Variants in DRC1 observed in about 807,000 individuals in gnomAD.
The protein encoded by DRC1 is dynein regulatory complex protein 1.
A neutral mutation model predicts 98.7 loss-of-function variants in DRC1; 74 were observed. The observed-to-expected ratio is 0.75, with a 90% CI of 0.62 to 0.91. DRC1 has a LOEUF of 0.91. Among genes scored for constraint, DRC1 ranks in the 40% least tolerant of loss-of-function variants. The pLI is 0.00. For missense variants in DRC1, 875 were observed against 886.0 expected (o/e 0.99, Z 0.16); for synonymous variants, 336 against 334.1 (o/e 1.01, Z -0.06).
At chr2:26,456,421 C>T (rs1664175754) in intron 16 of DRC1, 40 bp from the exon 17 acceptor site, 1 of 1,613,308 alleles carries the variant, frequency 6.2e-7, no homozygotes, top group African/African-American at 1.3e-5. Flanking sequence ...GAAGGAGGGC[C>T]CTGGGAAAAA....
chr2:26,405,653 C>CTTTTTTTTTTTTTTTTTTTTTTTTTT (rs10601492), intron 1 of DRC1, among the ~76,000 whole-genome samples: 1 of 53,564 alleles, frequency 1.9e-5, no homozygotes, highest in Non-Finnish European at 3.3e-5. Flanking sequence ...AAGGCTATAT[C>CTTTTTTTTTTTTTTTTTTTTTTTTTT]TTTTTTTTTT....
intron 1 of DRC1, among the ~76,000 whole-genome samples, chr2:26,410,718 A>G (rs1007687468): frequency 1.3e-5 from 2 of 152,222 alleles, no homozygotes; most frequent in Non-Finnish European, 2.9e-5. Flanking sequence ...AATGTCTAGC[A>G]CAATGGATGA....
rs570272175 is a variant in DRC1 at position 26,423,360 on chromosome 2, G to T, written c.357-911G>T. ...GGGTGGGGGATGGGACAGGAAGAGG[G>T]GATTGCAGGATGTTTAAGCTGTGAC... is the stretch of plus-strand genomic sequence containing the variant. On this transcript the variant is annotated intron_variant, in intron 3 of 16. Coordinates refer to ENST00000288710, the MANE Select transcript of DRC1 (RefSeq NM_145038.5). Among the ~76,000 whole-genome samples the T allele has an allele frequency of 1.8e-4, 28 of 152,242 alleles. No homozygotes were observed. The South Asian group carries it at 5.4e-3, about 29-fold the overall frequency.
At chr2:26,409,544 T>C (rs190775208) in intron 1 of DRC1, among the ~76,000 whole-genome samples, 1 of 152,300 alleles carries the variant, frequency 6.6e-6, no homozygotes, top group African/African-American at 2.4e-5. Flanking sequence ...TTTTCCCAAG[T>C]TGTCATGGAA....
intron 8 of DRC1, among the ~76,000 whole-genome samples, chr2:26,441,365 A>C: frequency 6.6e-6 from 1 of 152,186 alleles, no homozygotes; most frequent in East Asian, 1.9e-4. Flanking sequence ...ACATCAGTTG[A>C]CCTTTTGGTA....
chr2:26,455,142 CCCAGAGGG>C lies in DRC1; in HGVS notation c.2079_2086del (p.Arg694AlafsTer30), dbSNP rs1558457993. ...TTTTCTGTCCAAAGCCTTGTCCTGA[CCCAGAGGG>C]CCAAGCTGCTGCTGGAAAACAGTTC... is the stretch of plus-strand genomic sequence containing the variant. On this transcript the variant is annotated frameshift_variant, in exon 16 of 17. Transcript: ENST00000288710. LOFTEE classifies it high-confidence loss of function. 1.2e-6 allele frequency: 2 copies of C among 1,614,048 alleles called. No individual in the cohort carries two copies. Among genetic ancestry groups the C allele is most frequent in the Admixed American group, 3.3e-5 (2 of 60,010 alleles).
At position 26,430,661 on chromosome 2, in the gene DRC1, T is replaced by C. The variant is rs748126330; in HGVS notation, c.679-125T>C. 1.0e-5 allele frequency: 10 copies of C among 981,662 alleles called. No individual in the cohort carries two copies. In the Admixed American group the frequency reaches 1.2e-4, roughly 12 times the overall value. 60.8% of individuals were successfully genotyped at this position (981,662 alleles called of 1,614,324 possible). On this transcript the variant is annotated intron_variant, in intron 5 of 16. Coordinates refer to ENST00000288710, the MANE Select transcript of DRC1 (RefSeq NM_145038.5). ...TCTTATGAAACTTGGCAGGTCTGAA[T>C]TTGGATTTGACTTTTTCTATGTGGT...
At chr2:26,406,360 C>T (rs930635090) in intron 1 of DRC1, among the ~76,000 whole-genome samples, 5 of 152,164 alleles carry the variant, frequency 3.3e-5, no homozygotes, top group African/African-American at 4.8e-5. Context: ...CTGCCTGGGC[C>T]TTCTTATGTC....
At chr2:26,420,767 T>C (rs1335790875) in intron 2 of DRC1, among the ~76,000 whole-genome samples, 4 of 130,410 alleles carry the variant, frequency 3.1e-5, no homozygotes, top group Admixed American at 2.9e-4. Context: ...TTTCTTCTTC[T>C]TTTTTTTTTT....
chr2:26,454,495 CGTCCTTT>C lies in DRC1; in HGVS notation c.1920-151_1920-145del. ...GGCAGGAACGTTGACAATAAGCATG[CGTCCTTT>C]CTGAGAACCTGCCACCGTCTAATAA... On this transcript the variant is annotated intron_variant, in intron 14 of 16. Coordinates refer to ENST00000288710, the MANE Select transcript of DRC1 (RefSeq NM_145038.5). This position sits in a 1 kb window ranked among gnomAD's most constrained non-coding sequence, Gnocchi z 5.2. 9.0e-7 allele frequency: 1 copy of C among 1,113,320 alleles called. No individual in the cohort carries two copies. The highest frequency in any genetic ancestry group is 1.5e-5 in the South Asian group (1 of 65,718). 69.0% of individuals were successfully genotyped at this position (1,113,320 alleles called of 1,614,324 possible). A position where few individuals can be genotyped will look rare whatever the true frequency, so the allele number is the denominator to read the frequency against.
chr2:26,408,968 C>T (rs1330541401), intron 1 of DRC1, among the ~76,000 whole-genome samples: 2 of 151,964 alleles, frequency 1.3e-5, no homozygotes, highest in East Asian at 3.9e-4. Context: ...AGTCTCACTC[C>T]ATTGCCCAGG....
intron 1 of DRC1, among the ~76,000 whole-genome samples, chr2:26,402,608 G>T (rs1558429978): frequency 6.6e-6 from 1 of 152,234 alleles, no homozygotes; most frequent in Non-Finnish European, 1.5e-5. Flanking sequence ...AGTGCGGGAT[G>T]TATTGTCTCT....
rs1663416231 is a variant in DRC1 at position 26,430,871 on chromosome 2, A to G, written c.764A>G (p.Glu255Gly). ...GCCCTTCAGGCTCATAATGCCAAAG[A>G]GGTAAAGGGTGGAGCCTGTCAAGAG... is the stretch of plus-strand genomic sequence containing the variant. ...EQALQAHNAK[E>G]LEYLNNRMKK... The change falls in exon 6 of 17, where the codon GAG becomes GGG. Residue 255 changes from glutamate to glycine, a missense_variant and splice_region_variant. Physicochemically the swap from Glu to Gly is moderately conservative, Grantham distance 98. Transcript: ENST00000288710. 1.2e-6 allele frequency: 2 copies of G among 1,607,490 alleles called. No individual in the cohort carries two copies. Among genetic ancestry groups the G allele is most frequent in the African/African-American group, 2.7e-5 (2 of 74,496 alleles).
chr2:26,411,584 AT>A (rs1481301370), intron 1 of DRC1, among the ~76,000 whole-genome samples: 6 of 152,082 alleles, frequency 3.9e-5, no homozygotes, highest in African/African-American at 1.4e-4. Context: ...GTTAATAAGA[AT>A]TTATAGCATA....
At chr2:26,440,345 G>GTGTGTGTA (rs1553342515) in intron 7 of DRC1, 33 bp from the exon 8 acceptor site, 8 of 1,323,334 alleles carry the variant, frequency 6.0e-6, no homozygotes, top group African/African-American at 1.6e-5. Flanking sequence ...GTGTGTGTGT[G>GTGTGTGTA]TATATATATA....
At chr2:26,449,203 T>C (rs1304454245) in intron 11 of DRC1, among the ~76,000 whole-genome samples, 2 of 152,228 alleles carry the variant, frequency 1.3e-5, no homozygotes, top group South Asian at 2.1e-4. Flanking sequence ...ACTCTGGCTA[T>C]GTTGGGATTT....
At chr2:26,456,309 G>A in intron 16 of DRC1, 152 bp from the exon 17 acceptor site, 4 of 881,556 alleles carry the variant, frequency 4.5e-6, no homozygotes, top group Non-Finnish European at 7.1e-6. Context: ...CCTGCAGGGA[G>A]GCAGTCTGTG....
At position 26,418,728 on chromosome 2, in the gene DRC1, T is replaced by A. The variant is rs867547176; in HGVS notation, c.244-2560T>A. The stretch of plus-strand genomic sequence containing the variant: ...TTTAATTTATATAATATATAAATTA[T>A]ATTTAATTTATATATAATATAAATT... On this transcript the variant is annotated intron_variant, in intron 2 of 16. Transcript: ENST00000288710. Among the ~76,000 whole-genome samples the A allele has an allele frequency of 2.8e-3, 331 of 117,942 alleles. 3 individuals carry two copies. The highest frequency in any genetic ancestry group is 9.5e-3 in the African/African-American group (288 of 30,280). The allele number at this position is 117,942 out of a possible 152,430, so 77.4% of individuals were successfully genotyped here. A position where few individuals can be genotyped will look rare whatever the true frequency, so the allele number is the denominator to read the frequency against.
At position 26,448,746 on chromosome 2, in the gene DRC1, G is replaced by C. The variant is rs1417232935; in HGVS notation, c.1452G>C (p.Pro484=). 1 of 1,614,220 alleles carries C rather than the reference G, an allele frequency of 6.2e-7. No individual in the cohort carries two copies. The highest frequency in any genetic ancestry group is 8.5e-7 in the Non-Finnish European group (1 of 1,180,030). ...AACCAGAGTCCTACCTGGATTTGCC[G>C]AAGCAAATTTCTGAAAAAACTACCA... The part of the protein sequence containing the change: ...AAEPESYLDL[P]KQISEKTTKR... Residue 484 remains proline, a synonymous_variant, in exon 11 of 17, where the codon CCG becomes CCC. Transcript: ENST00000288710.
Sources: allele counts gnomAD v4.1 joint callset (sites outside exome capture counted in the v4.1 genomes callset), GRCh38; gene constraint gnomAD v4.1.1; non-coding constraint Gnocchi (gnomAD v3.1); transcripts MANE v1.5; gene names NCBI Gene and HGNC (gene_info 2026-07-23, HGNC 2026-07-21).